The following CDK14 variants were observed in gnomAD, a reference collection of about 807,000 sequenced individuals.
CDK14 encodes the protein cyclin-dependent kinase 14.
CDK14 carries 34 observed loss-of-function variants against 60.7 expected under a neutral mutation model. The observed-to-expected ratio is 0.56, with a 90% CI of 0.43 to 0.75. The LOEUF (loss-of-function observed/expected upper bound fraction) is 0.75. CDK14 is among the 30% of genes least tolerant of loss of function. CDK14 has a pLI of 0.00. For missense variants in CDK14, 482 were observed against 564.1 expected (o/e 0.85, Z 1.47); for synonymous variants, 197 against 203.7 (o/e 0.97, Z 0.28).
intron 11 of CDK14, among the ~76,000 whole-genome samples, chr7:91,059,185 T>C (rs1797693804): frequency 6.6e-6 from 1 of 152,266 alleles, no homozygotes; most frequent in Admixed American, 6.5e-5. Flanking sequence ...TTCTAATTTA[T>C]TTACATAGAG....
chr7:91,038,658 G>A (rs909373550), intron 10 of CDK14, among the ~76,000 whole-genome samples: 2 of 152,202 alleles, frequency 1.3e-5, no homozygotes, highest in African/African-American at 4.8e-5. Flanking sequence ...TAAAGGCCTT[G>A]TATCCACACC....
intron 4 of CDK14, among the ~76,000 whole-genome samples, chr7:90,788,921 AGGTGAAGGAGGAGAGG>A (rs1805712142): frequency 6.6e-6 from 1 of 151,978 alleles, no homozygotes; most frequent in Non-Finnish European, 1.5e-5. Context: ...CATATAGTGT[AGGTGAAGGAGGAGAGG>A]CAGGGGAGCT....
intron 14 of CDK14, among the ~76,000 whole-genome samples, chr7:91,148,654 T>G (rs1314163461): frequency 6.6e-6 from 1 of 152,124 alleles, no homozygotes; most frequent in African/African-American, 2.4e-5. Flanking sequence ...CAACAATCAG[T>G]GAGTCTGGTC....
chr7:91,034,144 A>G (rs1263801492), intron 10 of CDK14, among the ~76,000 whole-genome samples: 2 of 152,112 alleles, frequency 1.3e-5, no homozygotes, highest in Non-Finnish European at 2.9e-5. Flanking sequence ...CCTTCTGTAT[A>G]CAGGCTGAAA....
chr7:90,779,324 C>G (rs1023908399), intron 4 of CDK14, among the ~76,000 whole-genome samples: 3 of 152,110 alleles, frequency 2.0e-5, no homozygotes, highest in Non-Finnish European at 4.4e-5. Flanking sequence ...ACAATCATAG[C>G]TTGCTATAAC....
rs1402836989 is a variant in CDK14 at position 90,943,482 on chromosome 7, A to G, written c.827-12215A>G. On this transcript the variant is annotated intron_variant, in intron 8 of 14. Coordinates refer to ENST00000380050, the MANE Select transcript of CDK14 (RefSeq NM_001287135.2). ...GGTTTTATTTATCTAAAATTTAAAT[A>G]TCATATTAGATAAAATTTGAGAAAA... is the stretch of plus-strand genomic sequence containing the variant. Among the ~76,000 whole-genome samples the G allele has an allele frequency of 3.3e-5, 5 of 152,196 alleles. No homozygotes were observed. The East Asian group carries it at 7.7e-4, about 23-fold the overall frequency.
intron 14 of CDK14, among the ~76,000 whole-genome samples, chr7:91,145,354 A>T (rs1390721046): frequency 6.6e-6 from 1 of 152,248 alleles, no homozygotes; most frequent in African/African-American, 2.4e-5. Context: ...TTGAAAGTTA[A>T]CTGGAATTTA....
chr7:90,708,163 G>C lies in CDK14; in HGVS notation c.124-18404G>C, dbSNP rs937460002. 4.6e-5 allele frequency among the ~76,000 whole-genome samples: 7 copies of C among 152,148 alleles called. No homozygotes were observed. In the South Asian group the frequency reaches 6.2e-4, roughly 14 times the overall value. ...TAATATTTGCTAGATGCCTAGCATT[G>C]TATTATGTGGTATTTAAGTAAATTT... On this transcript the variant is annotated intron_variant, in intron 2 of 14. Coordinates refer to ENST00000380050, the MANE Select transcript of CDK14 (RefSeq NM_001287135.2).
At chr7:91,072,038 G>A (rs536942522) in intron 11 of CDK14, among the ~76,000 whole-genome samples, 50 of 152,314 alleles carry the variant, frequency 3.3e-4, no homozygotes, top group African/African-American at 1.2e-3. Flanking sequence ...GCCCCTAGGG[G>A]GAGGGGTGGC....
chr7:91,201,616 A>C (rs1179829002), intron 14 of CDK14, among the ~76,000 whole-genome samples: 1 of 152,118 alleles, frequency 6.6e-6, no homozygotes, highest in Non-Finnish European at 1.5e-5. Flanking sequence ...CCACCTGATC[A>C]CATCGAAGCA....
Position 90,958,006 on chromosome 7 carries a change from T to G in CDK14, c.947+2189T>G, listed in dbSNP as rs946295694. Reference sequence around the variant, plus strand: ...CCCATATGTAGAATTCCACTGTGTATTCATATAATTTTATGACCTCAGTAA... The same window carrying G: ...CCCATATGTAGAATTCCACTGTGTAGTCATATAATTTTATGACCTCAGTAA... On this transcript the variant is annotated intron_variant, in intron 9 of 14. Transcript: ENST00000380050. Among the ~76,000 whole-genome samples, 3 of 152,204 alleles carry G rather than the reference T, an allele frequency of 2.0e-5. No individual in the cohort carries two copies. In the South Asian group the frequency reaches 6.2e-4, roughly 31 times the overall value.
At chr7:90,733,845 G>A (rs1802974639) in intron 3 of CDK14, among the ~76,000 whole-genome samples, 1 of 152,198 alleles carries the variant, frequency 6.6e-6, no homozygotes, top group African/African-American at 2.4e-5. Flanking sequence ...ATTCGATCGT[G>A]TTATTATGAT....
chr7:90,680,857 C>A, intron 2 of CDK14, among the ~76,000 whole-genome samples: 1 of 152,156 alleles, frequency 6.6e-6, no homozygotes. Flanking sequence ...TGAAAGAACT[C>A]ACTTTTAATG....
intron 11 of CDK14, among the ~76,000 whole-genome samples, chr7:91,073,541 C>A (rs1161071387): frequency 6.6e-6 from 1 of 151,952 alleles, no homozygotes; most frequent in East Asian, 1.9e-4. Context: ...GTAGCCACTG[C>A]AAAAAACACA....
chr7:90,783,691 A>G (rs1257599734), intron 4 of CDK14, among the ~76,000 whole-genome samples: 1 of 152,178 alleles, frequency 6.6e-6, no homozygotes, highest in Non-Finnish European at 1.5e-5. Context: ...CAACATCATT[A>G]AAAATCTGAG....
At chr7:91,074,314 G>A (rs182967795) in intron 11 of CDK14, among the ~76,000 whole-genome samples, 3 of 152,138 alleles carry the variant, frequency 2.0e-5, no homozygotes, top group Non-Finnish European at 1.5e-5. Context: ...TCAGACCACA[G>A]TACAATCAAA....
At chr7:91,061,897 G>C (rs1484920183) in intron 11 of CDK14, among the ~76,000 whole-genome samples, 1 of 152,196 alleles carries the variant, frequency 6.6e-6, no homozygotes, top group Non-Finnish European at 1.5e-5. Flanking sequence ...TCAAGCTGCA[G>C]GCTGAGAGAA....
chr7:91,103,558 G>A (rs1228335132), intron 12 of CDK14, among the ~76,000 whole-genome samples: 2 of 152,124 alleles, frequency 1.3e-5, no homozygotes, highest in African/African-American at 4.8e-5. Context: ...ATTCTGGTAG[G>A]TCAGCCCTGG....
At chr7:90,810,550 G>C (rs1789053197) in intron 5 of CDK14, among the ~76,000 whole-genome samples, 1 of 152,176 alleles carries the variant, frequency 6.6e-6, no homozygotes, top group South Asian at 2.1e-4. Flanking sequence ...CATTCCCTTT[G>C]AAAACTGGCA....
Sources: allele counts gnomAD v4.1 joint callset (sites outside exome capture counted in the v4.1 genomes callset), GRCh38; gene constraint gnomAD v4.1.1; transcripts MANE v1.5; gene names NCBI Gene and HGNC (gene_info 2026-07-23, HGNC 2026-07-21).